Variants in EFCAB3 observed in about 807,000 individuals in gnomAD.
EFCAB3 encodes EF-hand calcium-binding domain-containing protein 3.
EFCAB3 carries 36 observed loss-of-function variants against 42.2 expected under a neutral mutation model. The ratio of observed to expected loss-of-function variants is 0.85; its 90% CI spans 0.65 to 1.13. The LOEUF (loss-of-function observed/expected upper bound fraction) is 1.13. EFCAB3 is among the 50% of genes most tolerant of loss of function. The pLI, the probability that EFCAB3 is intolerant of heterozygous loss-of-function variation, is 0.00. For missense variants in EFCAB3, 418 were observed against 505.1 expected (o/e 0.83, Z 1.65); for synonymous variants, 170 against 172.8 (o/e 0.98, Z 0.13).
intron 1 of EFCAB3, among the ~76,000 whole-genome samples, chr17:62,372,296 G>A (rs906176855): frequency 3.3e-5 from 5 of 151,772 alleles, no homozygotes; most frequent in African/African-American, 4.8e-5. Context: ...TTGGGGACAG[G>A]GTCTGGCTCT....
chr17:62,393,807 T>C (rs987275937), intron 5 of EFCAB3, among the ~76,000 whole-genome samples, 163 bp downstream of exon 5: 32 of 152,186 alleles, frequency 2.1e-4, no homozygotes, highest in Admixed American at 1.3e-4. Flanking sequence ...GCTAAACAAA[T>C]TGATACAGTG....
upstream of EFCAB3, chr17:62,377,818 A>C: frequency 1.7e-6 from 1 of 599,714 alleles, no homozygotes; most frequent in Non-Finnish European, 2.7e-6. Context: ...AAAAGAAACA[A>C]TATGAAAGAT....
chr17:62,395,413 A>G (rs568969355), intron 6 of EFCAB3, among the ~76,000 whole-genome samples: 2 of 152,306 alleles, frequency 1.3e-5, no homozygotes, highest in Admixed American at 1.3e-4. Flanking sequence ...CAGACCACCT[A>G]AGGGCCCCAC....
At chr17:62,380,543 G>T (rs1466821973), upstream of EFCAB3, 8 of 985,396 alleles carry the variant, frequency 8.1e-6, no homozygotes, top group Non-Finnish European at 9.6e-6. Flanking sequence ...TTGTGTGATG[G>T]AACAAACCCT....
At chr17:62,407,710 C>A (rs1413419738) in intron 8 of EFCAB3, among the ~76,000 whole-genome samples, 1 of 152,190 alleles carries the variant, frequency 6.6e-6, no homozygotes, top group Non-Finnish European at 1.5e-5. Flanking sequence ...TTTGCCCCCC[C>A]TCCCAGGATA....
chr17:62,402,151 CTT>C (rs1239535568), intron 6 of EFCAB3, among the ~76,000 whole-genome samples: 1 of 152,188 alleles, frequency 6.6e-6, no homozygotes, highest in Non-Finnish European at 1.5e-5. Context: ...TATCCTGAGA[CTT>C]TGCTGAAGTT....
chr17:62,371,459 G>A, intron 1 of EFCAB3, among the ~76,000 whole-genome samples: 1 of 152,174 alleles, frequency 6.6e-6, no homozygotes, highest in East Asian at 1.9e-4. Context: ...TCAGGAGGCT[G>A]AGGCAGGAGA....
At chr17:62,379,575 T>C (rs184267341), upstream of EFCAB3, among the ~76,000 whole-genome samples, 43 of 152,260 alleles carry the variant, frequency 2.8e-4, no homozygotes, top group East Asian at 8.1e-3. Context: ...AAAGATTAGG[T>C]TAAAGTCAAA....
chr17:62,411,906 G>GGAAGGA (rs2070501468), intron 8 of EFCAB3, among the ~76,000 whole-genome samples: 1 of 2,398 alleles, frequency 4.2e-4, no homozygotes, highest in Admixed American at 7.7e-3. Flanking sequence ...GGAAGGAAGG[G>GGAAGGA]AGGGAGGGAG....
At chr17:62,396,568 GA>G (rs940158950) in intron 6 of EFCAB3, among the ~76,000 whole-genome samples, 26 of 138,530 alleles carry the variant, frequency 1.9e-4, no homozygotes, top group Non-Finnish European at 2.7e-4. Flanking sequence ...AAATAAAAAA[GA>G]AAAAAAAAAG....
chr17:62,381,149 TC>T (rs1555571122), intron 1 of EFCAB3, among the ~76,000 whole-genome samples: 6 of 55,668 alleles, frequency 1.1e-4, no homozygotes, highest in Non-Finnish European at 1.3e-4. Context: ...CCCTCCCCCC[TC>T]CCCCCACCCC....
intron 8 of EFCAB3, among the ~76,000 whole-genome samples, chr17:62,410,697 A>G (rs2070488073): frequency 6.6e-6 from 1 of 151,994 alleles, no homozygotes; most frequent in Non-Finnish European, 1.5e-5. Context: ...AAAGCAAGAG[A>G]GAGAGAGAGA....
intron 5 of EFCAB3, 77 bp downstream of exon 5, chr17:62,393,721 C>G: frequency 7.7e-7 from 1 of 1,306,004 alleles, no homozygotes; most frequent in Non-Finnish European, 1.1e-6. Flanking sequence ...TCACAGGCTT[C>G]CAGTCGGGAG....
intron 2 of EFCAB3, among the ~76,000 whole-genome samples, chr17:62,383,854 T>C (rs2070225560): frequency 6.6e-6 from 1 of 152,148 alleles, no homozygotes; most frequent in Non-Finnish European, 1.5e-5. Flanking sequence ...ATATAGCTGG[T>C]AAACGAAAGC....
intron 1 of EFCAB3, among the ~76,000 whole-genome samples, chr17:62,381,099 C>T (rs2070193202): frequency 6.6e-6 from 1 of 151,882 alleles, no homozygotes; most frequent in Non-Finnish European, 1.5e-5. Flanking sequence ...CTGCATCCAT[C>T]AACTCGTCAT....
intron 6 of EFCAB3, among the ~76,000 whole-genome samples, chr17:62,396,391 A>G (rs184709616): frequency 6.6e-6 from 1 of 152,126 alleles, no homozygotes; most frequent in African/African-American, 2.4e-5. Context: ...TGTCTCTACT[A>G]AAAATACAAA....
intron 6 of EFCAB3, chr17:62,398,067 C>G: frequency 3.3e-6 from 1 of 303,324 alleles, no homozygotes; most frequent in South Asian, 3.7e-5. Flanking sequence ...CTGGAGTCTG[C>G]TTTAAGGTTG....
intron 4 of EFCAB3, 55 bp from the exon 5 acceptor site, chr17:62,393,518 T>G (rs1238507243): frequency 1.5e-6 from 2 of 1,338,032 alleles, no homozygotes; most frequent in African/African-American, 1.5e-5. Context: ...TAATATATAC[T>G]CTGATAATTA....
intron 8 of EFCAB3, among the ~76,000 whole-genome samples, chr17:62,412,601 A>C (rs2070508927): frequency 6.6e-6 from 1 of 151,816 alleles, no homozygotes; most frequent in Admixed American, 6.6e-5. Flanking sequence ...AGTAGCTGGG[A>C]CTACAGACAC....
Sources: gnomAD v4.1 joint callset for allele counts (sites outside exome capture counted in the v4.1 genomes callset) on GRCh38, gnomAD v4.1.1 for gene constraint, MANE v1.5 for transcripts, NCBI Gene and HGNC (gene_info 2026-07-23, HGNC 2026-07-21) for gene names.